Variants in HS3ST3A1 observed in about 807,000 individuals in gnomAD.
HS3ST3A1 encodes heparan sulfate glucosamine 3-O-sulfotransferase 3A1.
Under a neutral mutation model 25.7 loss-of-function variants are expected in HS3ST3A1, and 19 were observed. The observed-to-expected ratio is 0.74, with a 90% CI of 0.52 to 1.08. HS3ST3A1 has a LOEUF of 1.08. Among genes scored for constraint, HS3ST3A1 ranks in the 50% least tolerant of loss-of-function variants. HS3ST3A1 has a pLI of 0.00. For synonymous variants in HS3ST3A1, 226 were observed against 278.6 expected (o/e 0.81, Z 1.88); for missense variants, 459 against 594.3 (o/e 0.77, Z 2.37).
chr17:13,507,009 C>T (rs1344645742), intron 1 of HS3ST3A1, among the ~76,000 whole-genome samples: 1 of 147,696 alleles, frequency 6.8e-6, no homozygotes, highest in Admixed American at 6.8e-5. Context: ...GCAGAGGTTG[C>T]AGTGAGCCAA....
intron 1 of HS3ST3A1, among the ~76,000 whole-genome samples, chr17:13,555,049 C>A (rs1464214649): frequency 6.6e-6 from 1 of 152,118 alleles, no homozygotes; most frequent in Non-Finnish European, 1.5e-5. Context: ...TAGAATTCAC[C>A]ATTTTCACCA....
At chr17:13,539,270 C>T (rs867930697) in intron 1 of HS3ST3A1, among the ~76,000 whole-genome samples, 5 of 152,236 alleles carry the variant, frequency 3.3e-5, no homozygotes, top group Admixed American at 6.5e-5. Flanking sequence ...ATCCCAAGGC[C>T]AGCTCAAATC....
intron 1 of HS3ST3A1, among the ~76,000 whole-genome samples, chr17:13,560,046 T>C (rs1219156867): frequency 6.6e-6 from 1 of 151,484 alleles, no homozygotes; most frequent in African/African-American, 2.4e-5. Flanking sequence ...TCACAGCACT[T>C]TGGGAGGCCG....
chr17:13,580,077 A>G (rs1047261374), intron 1 of HS3ST3A1, among the ~76,000 whole-genome samples: 2 of 152,068 alleles, frequency 1.3e-5, no homozygotes, highest in African/African-American at 4.8e-5. Flanking sequence ...TGCATTTGCC[A>G]TGTTTTTCGT....
At chr17:13,499,067 T>C (rs1905375206) in intron 1 of HS3ST3A1, among the ~76,000 whole-genome samples, 1 of 152,198 alleles carries the variant, frequency 6.6e-6, no homozygotes, top group Non-Finnish European at 1.5e-5. Flanking sequence ...AACTTCCTTT[T>C]TCAAAATAAT....
At chr17:13,568,453 A>C (rs1276042388) in intron 1 of HS3ST3A1, among the ~76,000 whole-genome samples, 2 of 152,170 alleles carry the variant, frequency 1.3e-5, no homozygotes, top group Non-Finnish European at 2.9e-5. Flanking sequence ...TTTAATCTGC[A>C]GTTTATCCTT....
At chr17:13,598,348 G>A (rs1466587833) in intron 1 of HS3ST3A1, among the ~76,000 whole-genome samples, 1 of 152,084 alleles carries the variant, frequency 6.6e-6, no homozygotes, top group Non-Finnish European at 1.5e-5. Context: ...GAACTGTGGG[G>A]AAATTTCATT....
intron 1 of HS3ST3A1, among the ~76,000 whole-genome samples, chr17:13,586,051 G>A: frequency 6.6e-6 from 1 of 151,588 alleles, no homozygotes; most frequent in East Asian, 2.0e-4. Flanking sequence ...GTTTCACCAT[G>A]TTGACCAGGA....
At chr17:13,562,632 G>A (rs1237428985) in intron 1 of HS3ST3A1, among the ~76,000 whole-genome samples, 1 of 151,784 alleles carries the variant, frequency 6.6e-6, no homozygotes, top group Non-Finnish European at 1.5e-5. Context: ...CTCTACAATA[G>A]AACTCCCATC....
chr17:13,586,152 G>A (rs1908260990), intron 1 of HS3ST3A1, among the ~76,000 whole-genome samples: 1 of 151,910 alleles, frequency 6.6e-6, no homozygotes, highest in Non-Finnish European at 1.5e-5. Flanking sequence ...CCGCCTCTGT[G>A]TTCCTTATCA....
chr17:13,594,520 C>A (rs1908522170), intron 1 of HS3ST3A1, among the ~76,000 whole-genome samples: 1 of 152,092 alleles, frequency 6.6e-6, no homozygotes. Flanking sequence ...AAGGAACAGG[C>A]CTGCATTACT....
At chr17:13,600,099 G>A (rs1908679221) in intron 1 of HS3ST3A1, among the ~76,000 whole-genome samples, 2 of 152,112 alleles carry the variant, frequency 1.3e-5, no homozygotes, top group African/African-American at 4.8e-5. Context: ...AATACCTGAT[G>A]GTAAAGACTG....
At position 13,566,810 on chromosome 17, in the gene HS3ST3A1, T is replaced by G. The variant is rs150980688; in HGVS notation, c.599+33721A>C. 4.5e-3 allele frequency among the ~76,000 whole-genome samples: 684 copies of G among 151,934 alleles called. 5 individuals carry two copies. Among genetic ancestry groups the G allele is most frequent in the African/African-American group, 0.016 (649 of 41,444 alleles). ...GTGAGGAAGTTGCAGAAAAAAAAAG[T>G]GTGAAGTTAGCAGAGTCTAGTTCAT... is the stretch of plus-strand genomic sequence containing the variant. On this transcript the variant is annotated intron_variant, in intron 1 of 1. Coordinates refer to ENST00000284110, the MANE Select transcript of HS3ST3A1 (RefSeq NM_006042.3).
In HS3ST3A1 at chr17:13,600,525, G is replaced by T. The variant is rs371109356; in HGVS notation, c.599+6C>A. On this transcript the variant is annotated splice_donor_region_variant and intron_variant, in intron 1 of 1. Transcript: ENST00000284110. ...TTCAGCCCCAGCCCGGGCCCGCCCC[G>T]CTCACCGGTACCAGGCGAGGCCCTT... is the stretch of plus-strand genomic sequence containing the variant. 27 of 1,589,308 alleles carry T rather than the reference G, an allele frequency of 1.7e-5. No homozygotes were observed. The highest frequency in any genetic ancestry group is 2.3e-5 in the Non-Finnish European group (27 of 1,173,770).
intron 1 of HS3ST3A1, among the ~76,000 whole-genome samples, chr17:13,547,944 C>CAAAAA (rs750200323): frequency 1.9e-5 from 1 of 53,388 alleles, no homozygotes; most frequent in Non-Finnish European, 4.5e-5. Flanking sequence ...TGGTGTGAGC[C>CAAAAA]AAAAAAAAAA....
chr17:13,594,285 C>T (rs537656660), intron 1 of HS3ST3A1, among the ~76,000 whole-genome samples: 27 of 152,184 alleles, frequency 1.8e-4, no homozygotes, highest in Non-Finnish European at 3.4e-4. Flanking sequence ...CCCTTTCATC[C>T]TGCCTTCCTT....
chr17:13,522,301 A>G (rs1033627819), intron 1 of HS3ST3A1, among the ~76,000 whole-genome samples: 1 of 150,854 alleles, frequency 6.6e-6, no homozygotes, highest in African/African-American at 2.4e-5. Context: ...TATCTGTGCT[A>G]TTACTAAGAG....
intron 1 of HS3ST3A1, among the ~76,000 whole-genome samples, chr17:13,577,608 A>T (rs2142378729): frequency 6.6e-6 from 1 of 152,314 alleles, no homozygotes. Flanking sequence ...GAATAATACA[A>T]CTGTAGGCTT....
chr17:13,553,781 A>G (rs1459229252), intron 1 of HS3ST3A1, among the ~76,000 whole-genome samples: 5 of 152,168 alleles, frequency 3.3e-5, no homozygotes, highest in African/African-American at 1.2e-4. Context: ...TTTTAAGCTC[A>G]TCATCCCTAA....
Sources: gnomAD v4.1 joint callset for allele counts (sites outside exome capture counted in the v4.1 genomes callset) on GRCh38, gnomAD v4.1.1 for gene constraint, MANE v1.5 for transcripts, NCBI Gene and HGNC (gene_info 2026-07-23, HGNC 2026-07-21) for gene names.